Variants in ZFP64 observed in about 807,000 individuals in gnomAD.
ZFP64 encodes ZFP64 zinc finger protein.
Under a neutral mutation model 51.6 loss-of-function variants are expected in ZFP64, and 14 were observed. That is an observed-to-expected ratio of 0.27 (90% CI 0.18 to 0.42). The LOEUF (loss-of-function observed/expected upper bound fraction) is 0.42, where lower values mean the gene tolerates loss of function less well. ZFP64 is among the 10% of genes least tolerant of loss of function. The pLI is 1.00. For synonymous variants in ZFP64, 375 were observed against 361.4 expected (o/e 1.04, Z -0.43); for missense variants, 754 against 906.8 (o/e 0.83, Z 2.16).
intron 5 of ZFP64, among the ~76,000 whole-genome samples, chr20:52,144,787 C>T (rs1198049079): frequency 6.6e-6 from 1 of 151,308 alleles, no homozygotes; most frequent in Non-Finnish European, 1.5e-5. Context: ...GTGGTGGACC[C>T]CCAAATGCTA....
intron 5 of ZFP64, among the ~76,000 whole-genome samples, chr20:52,103,978 C>T (rs1206980766): frequency 1.3e-5 from 2 of 152,190 alleles, no homozygotes; most frequent in African/African-American, 2.4e-5. Flanking sequence ...AGCTGGAGAG[C>T]CCGCGGCTCT....
chr20:52,088,961 G>A (rs1452520189), intron 7 of ZFP64: 4 of 550,058 alleles, frequency 7.3e-6, no homozygotes, highest in Non-Finnish European at 1.4e-5. Flanking sequence ...GGGATCTTGG[G>A]CAGCTTCATG....
At chr20:52,163,431 C>A (rs1981992312) in intron 4 of ZFP64, among the ~76,000 whole-genome samples, 1 of 152,172 alleles carries the variant, frequency 6.6e-6, no homozygotes, top group African/African-American at 2.4e-5. Flanking sequence ...TATGCTATGG[C>A]TTGATGGATG....
intron 5 of ZFP64, among the ~76,000 whole-genome samples, chr20:52,101,534 G>C (rs1036083057): frequency 6.6e-6 from 1 of 152,088 alleles, no homozygotes; most frequent in Non-Finnish European, 1.5e-5. Context: ...CACATGCCTA[G>C]TTTTTGTATT....
intron 5 of ZFP64, among the ~76,000 whole-genome samples, chr20:52,133,261 G>T (rs1002327078): frequency 3.3e-5 from 5 of 152,106 alleles, no homozygotes; most frequent in Admixed American, 1.3e-4. Flanking sequence ...AACTAATAGG[G>T]AAAAACTGAA....
In ZFP64 at chr20:52,151,428, C is replaced by T. The variant is rs1980788865; in HGVS notation, c.*718G>A. 3 of 985,194 alleles carry T rather than the reference C, an allele frequency of 3.0e-6. No homozygotes were observed. The highest frequency in any genetic ancestry group is 3.6e-6 in the Non-Finnish European group (3 of 829,922). 61.0% of individuals were successfully genotyped at this position (985,194 alleles called of 1,614,324 possible). ...ACTTACATGTATAAAACATGAACAC[C>T]CCCAAACTCTGGGGAGTATTCCAGA... On this transcript the variant is annotated 3_prime_UTR_variant, in exon 6 of 6. Coordinates refer to ENST00000216923, the MANE Select transcript of ZFP64 (RefSeq NM_018197.3).
At chr20:52,120,135 A>G (rs1004632519) in intron 5 of ZFP64, among the ~76,000 whole-genome samples, 5 of 152,154 alleles carry the variant, frequency 3.3e-5, no homozygotes, top group Admixed American at 3.3e-4. Flanking sequence ...CACAGCTAGA[A>G]GGTGCCATTT....
intron 1 of ZFP64, among the ~76,000 whole-genome samples, chr20:52,189,844 A>G (rs954781669): frequency 1.3e-5 from 2 of 152,150 alleles, no homozygotes; most frequent in Admixed American, 6.6e-5. Context: ...TGATTATTTA[A>G]TGGCAATACA....
chr20:52,127,491 G>A (rs561837403), intron 5 of ZFP64, among the ~76,000 whole-genome samples: 6 of 152,076 alleles, frequency 3.9e-5, no homozygotes, highest in African/African-American at 1.4e-4. Flanking sequence ...TTTTATCAGG[G>A]GCTCTTCCCC....
At chr20:52,084,086 A>C (rs2078838507) in exon 9 of ZFP64, 1 of 159,394 alleles carries the variant, frequency 6.3e-6, no homozygotes, top group African/African-American at 2.4e-5. Flanking sequence ...AAACACTCTT[A>C]GAACGATCAC....
intron 6 of ZFP64, among the ~76,000 whole-genome samples, chr20:52,097,926 G>GACA (rs370334689): frequency 2.2e-4 from 33 of 151,856 alleles, no homozygotes; most frequent in African/African-American, 7.2e-4. Context: ...AAATTAGCCA[G>GACA]ACATGGTGGT....
In ZFP64 at chr20:52,125,328, C is replaced by T. The variant is rs143844175; in HGVS notation, c.764-26741G>A. Among the ~76,000 whole-genome samples, 33 of 152,248 alleles carry T rather than the reference C, an allele frequency of 2.2e-4. No homozygotes were observed. In the East Asian group the frequency reaches 6.0e-3, roughly 28 times the overall value. On this transcript the variant is annotated intron_variant, in intron 5 of 8. Transcript: ENST00000361387. ...TTGATGGGAGGAGTGGAGAGCCAGG[C>T]TCAGGTGATGGGCAGAAAGTGAGGC...
intron 5 of ZFP64, among the ~76,000 whole-genome samples, chr20:52,108,243 A>C (rs1332823748): frequency 2.0e-5 from 3 of 152,096 alleles, no homozygotes; most frequent in Non-Finnish European, 2.9e-5. Flanking sequence ...AACAAAACCC[A>C]AAATGTGAAG....
rs1568937549 is a variant in ZFP64 at position 52,084,831 on chromosome 20, CG to C, written c.1663del (p.Arg555GlyfsTer21). 1.2e-6 allele frequency: 2 copies of C among 1,614,060 alleles called. No homozygotes were observed. The highest frequency in any genetic ancestry group is 8.5e-7 in the Non-Finnish European group (1 of 1,180,040). On this transcript the variant is annotated frameshift_variant, in exon 9 of 9. Coordinates refer to the ZFP64 transcript ENST00000361387. LOFTEE classifies it low-confidence loss of function (END_TRUNC). ...GAGCCCTTCCTTGCCCAGAGGGGCCCGGTTCTCCGTCTTGGCCTCGTCCCTG... is the reference window on the plus strand; with the variant it reads ...GAGCCCTTCCTTGCCCAGAGGGGCCCGTTCTCCGTCTTGGCCTCGTCCCTG...
In ZFP64 at chr20:52,152,525, C is replaced by A; in HGVS notation, c.1667G>T (p.Arg556Leu). ...VSLIAPPQSS[R>L]CPSEAGAMTQ... ...CATTGCGCCCGCCTCGCTCGGACAC[C>A]GCGAGGACTGAGGGGGGGCGATCAG... The change falls in exon 6 of 6, where the codon CGG becomes CTG. Residue 556 changes from arginine (R) to leucine (L), a missense_variant. By Grantham distance (102) the Arg-to-Leu change is moderately radical. Transcript: ENST00000216923. 4 of 1,597,932 alleles carry A rather than the reference C, an allele frequency of 2.5e-6. No individual in the cohort carries two copies. Among genetic ancestry groups the A allele is most frequent in the South Asian group, 1.1e-5 (1 of 88,876 alleles).
chr20:52,112,968 T>C (rs1978673551), intron 5 of ZFP64, among the ~76,000 whole-genome samples: 1 of 151,690 alleles, frequency 6.6e-6, no homozygotes, highest in Non-Finnish European at 1.5e-5. Flanking sequence ...AATACTACCA[T>C]TCTCTACTAT....
At position 52,164,770 on chromosome 20, in the gene ZFP64, AGG is replaced by A. The variant is rs1280561211; in HGVS notation, c.449-15_449-14del. 6.2e-7 allele frequency: 1 copy of A among 1,603,520 alleles called. No individual in the cohort carries two copies. Among genetic ancestry groups the A allele is most frequent in the Non-Finnish European group, 8.5e-7 (1 of 1,171,426 alleles). On this transcript the variant is annotated splice_polypyrimidine_tract_variant and intron_variant, in intron 3 of 5. Transcript: ENST00000216923. ...TTGAATTGGCAACCTAAAAAAAAAA[AGG>A]AAAGATTAATTACAAAGGAAAACTT...
At chr20:52,090,223 A>G (rs1165334490) in intron 7 of ZFP64, among the ~76,000 whole-genome samples, 1 of 152,216 alleles carries the variant, frequency 6.6e-6, no homozygotes, top group Non-Finnish European at 1.5e-5. Context: ...GAAAACCACC[A>G]GCAAAATGCT....
chr20:52,092,269 G>T (rs1285864913), intron 7 of ZFP64, among the ~76,000 whole-genome samples: 1 of 152,196 alleles, frequency 6.6e-6, no homozygotes, highest in African/African-American at 2.4e-5. Flanking sequence ...CCTCTGCATT[G>T]TAAGATGTTT....
Sources: allele counts gnomAD v4.1 joint callset (sites outside exome capture counted in the v4.1 genomes callset), GRCh38; gene constraint gnomAD v4.1.1; transcripts MANE v1.5; gene names NCBI Gene and HGNC (gene_info 2026-07-23, HGNC 2026-07-21).